GIT1: variants seen among roughly 807,000 people sequenced by gnomAD.
GIT1 encodes the protein ARF GTPase-activating protein GIT1.
GIT1 carries 14 observed loss-of-function variants against 91.7 expected under a neutral mutation model. The ratio of observed to expected loss-of-function variants is 0.15; its 90% CI spans 0.10 to 0.24. The LOEUF is 0.24. GIT1 is among the 10% of genes least tolerant of loss of function. GIT1 has a pLI of 1.00. For synonymous variants in GIT1, 414 were observed against 418.2 expected (o/e 0.99, Z 0.12); for missense variants, 717 against 1,024.9 (o/e 0.70, Z 4.10).
In GIT1 at chr17:29,581,355, G is replaced by C; in HGVS notation, c.744C>G (p.Ile248Met). ...GCACTCACCTGTCAGCCATCTGTGG[G>C]ATGATGTAATGCCCATTCTTGTGAT... The part of the protein sequence containing the change: ...KPDHKNGHYI[I>M]PQMADSLDLS... Residue 248 changes from isoleucine (I) to methionine (M), a missense_variant, in exon 7 of 20, where the codon ATC becomes ATG. Physicochemically the swap from Ile to Met is conservative, Grantham distance 10. Around this residue, in one of 3 missense-constraint regions of GIT1, gnomAD observed 271 missense variants for 451.6 expected, o/e 0.60. Coordinates refer to ENST00000225394, the MANE Select transcript of GIT1 (RefSeq NM_014030.4). The surrounding 1 kb of genome is among the most constrained non-coding windows in gnomAD (Gnocchi z 4.8). The C allele has an allele frequency of 6.2e-7, 1 of 1,612,714 alleles. No homozygotes were observed. Among genetic ancestry groups the C allele is most frequent in the South Asian group, 1.1e-5 (1 of 91,062 alleles).
At chr17:29,578,227 A>C in intron 9 of GIT1, 72 bp downstream of exon 9, 1 of 1,243,678 alleles carries the variant, frequency 8.0e-7, no homozygotes, top group East Asian at 2.3e-5. Flanking sequence ...TTCTTAGCCC[A>C]GTAAAGGACC....
chr17:29,582,079 G>C lies in GIT1; in HGVS notation c.471C>G (p.Ala157=). 1.2e-6 allele frequency: 2 copies of C among 1,607,502 alleles called. No homozygotes were observed. Among genetic ancestry groups the C allele is most frequent in the Non-Finnish European group, 1.7e-6 (2 of 1,179,770 alleles). ...TCTCTGGGTGGAAGAAGTTGGCCTG[G>C]GCACCCAGGGAGAGCAGGCGCAGAC... ...ETCLRLLSLG[A]QANFFHPEKG... Residue 157 remains alanine (A), a synonymous_variant, in exon 5 of 20, where the codon GCC becomes GCG. Transcript: ENST00000225394.
Position 29,576,059 on chromosome 17 carries a change from A to C in GIT1, c.1665+19T>G. ...TCAGAACCTACTGGCTAAGATGGAC[A>C]CGCCTTCCCCAGGCTTACCCGGTAA... On this transcript the variant is annotated intron_variant, in intron 15 of 19. Coordinates refer to ENST00000225394, the MANE Select transcript of GIT1 (RefSeq NM_014030.4). The C allele has an allele frequency of 6.2e-7, 1 of 1,612,592 alleles. No individual in the cohort carries two copies. Among genetic ancestry groups the C allele is most frequent in the East Asian group, 2.2e-5 (1 of 44,854 alleles).
At chr17:29,584,538 C>T (rs1022011411) in intron 1 of GIT1, among the ~76,000 whole-genome samples, 1 of 152,192 alleles carries the variant, frequency 6.6e-6, no homozygotes, top group Non-Finnish European at 1.5e-5. Flanking sequence ...GAGACAGCTG[C>T]ATACGACTCA....
chr17:29,582,288 T>A, intron 4 of GIT1, 144 bp from the exon 5 acceptor site: 1 of 635,936 alleles, frequency 1.6e-6, no homozygotes, highest in Non-Finnish European at 2.8e-6. Context: ...GGACAGAGGC[T>A]TCCCGCTAGG....
chr17:29,584,747 C>T (rs2033528528), intron 1 of GIT1, among the ~76,000 whole-genome samples: 1 of 152,168 alleles, frequency 6.6e-6, no homozygotes, highest in Admixed American at 6.5e-5. Context: ...GTATCCCCAT[C>T]AGGGGAGGGA....
At position 29,589,363 on chromosome 17, in the gene GIT1, G is replaced by A; in HGVS notation, c.16C>T (p.Pro6Ser). ...CAGTCCGCACACACCTCCGCTCGCG[G>A]CCCCTTTCGGGACATCCTCAGCGGC... MSRKG[P>S]RAEVCADCSA... Residue 6 changes from proline (P) to serine (S), a missense_variant, in exon 1 of 20, where the codon CCG becomes TCG. Coordinates refer to ENST00000225394, the MANE Select transcript of GIT1 (RefSeq NM_014030.4). The surrounding 1 kb of genome is among the most constrained non-coding windows in gnomAD (Gnocchi z 5.2). 1.8e-6 allele frequency: 2 copies of A among 1,086,060 alleles called. No homozygotes were observed. Among genetic ancestry groups the A allele is most frequent in the Non-Finnish European group, 1.1e-6 (1 of 883,766 alleles). The allele number at this position is 1,086,060 out of a possible 1,614,324, so 67.3% of individuals were successfully genotyped here.
At chr17:29,583,443 G>C (rs2033472266) in intron 2 of GIT1, 40 bp downstream of exon 2, 1 of 1,601,834 alleles carries the variant, frequency 6.2e-7, no homozygotes, top group African/African-American at 1.3e-5. Context: ...AGCACACTCT[G>C]CCTGAGGGGA....
In GIT1 at chr17:29,581,723, C is replaced by T; in HGVS notation, c.718+19G>A. On this transcript the variant is annotated intron_variant, in intron 6 of 19. Coordinates refer to ENST00000225394, the MANE Select transcript of GIT1 (RefSeq NM_014030.4). This position sits in a 1 kb window ranked among gnomAD's most constrained non-coding sequence, Gnocchi z 4.8. ...CAGCCAGGCCTGTCACAGCCAGGCGCCCCCCAAGCTCTGCTCACCCGGCTT... is the reference window on the plus strand; with the variant it reads ...CAGCCAGGCCTGTCACAGCCAGGCGTCCCCCAAGCTCTGCTCACCCGGCTT... The T allele has an allele frequency of 3.1e-6, 5 of 1,594,290 alleles. No homozygotes were observed. The highest frequency in any genetic ancestry group is 4.3e-6 in the Non-Finnish European group (5 of 1,168,772).
chr17:29,581,012 C>A lies in GIT1; in HGVS notation c.761+326G>T. On this transcript the variant is annotated intron_variant, in intron 7 of 19. Coordinates refer to ENST00000225394, the MANE Select transcript of GIT1 (RefSeq NM_014030.4). This position sits in a 1 kb window ranked among gnomAD's most constrained non-coding sequence, Gnocchi z 4.8. ...CAGGCTAGTCTTGAACTCCCGACCT[C>A]AGGTGATCCGCCCGCCTCGGCCTCC... 2.9e-6 allele frequency: 1 copy of A among 344,086 alleles called. No individual in the cohort carries two copies. 21.3% of individuals were successfully genotyped at this position (344,086 alleles called of 1,614,324 possible). A position where few individuals can be genotyped will look rare whatever the true frequency, so the allele number is the denominator to read the frequency against.
In GIT1 at chr17:29,589,320, C is replaced by A; in HGVS notation, c.52+7G>T. 9.6e-7 allele frequency: 1 copy of A among 1,043,758 alleles called. No individual in the cohort carries two copies. Among genetic ancestry groups the A allele is most frequent in the Non-Finnish European group, 1.2e-6 (1 of 865,436 alleles). 64.7% of individuals were successfully genotyped at this position (1,043,758 alleles called of 1,614,324 possible). On this transcript the variant is annotated splice_region_variant and intron_variant, in intron 1 of 19. Coordinates refer to ENST00000225394, the MANE Select transcript of GIT1 (RefSeq NM_014030.4). The surrounding 1 kb of genome is among the most constrained non-coding windows in gnomAD (Gnocchi z 5.2). ...TGCGGTCCCGCCCCCGGCCCCGCCG[C>A]GCTTACCCGGGGCGCTGCAGTCCGC... is the stretch of plus-strand genomic sequence containing the variant.
rs965208560 is a variant in GIT1 at position 29,581,126 on chromosome 17, G to A, written c.761+212C>T. Reference sequence around the variant, plus strand: ...AGCCCTCCATGTACTTGACAGTCACGGGGCTCAGGCTATGCGGGCCACATA... The same window carrying A: ...AGCCCTCCATGTACTTGACAGTCACAGGGCTCAGGCTATGCGGGCCACATA... On this transcript the variant is annotated intron_variant, in intron 7 of 19. Transcript: ENST00000225394. The surrounding 1 kb of genome is among the most constrained non-coding windows in gnomAD (Gnocchi z 4.8). 6.1e-5 allele frequency: 36 copies of A among 590,786 alleles called. No individual in the cohort carries two copies. Among genetic ancestry groups the A allele is most frequent in the Middle Eastern group, 4.5e-4 (1 of 2,246 alleles). 36.6% of individuals were successfully genotyped at this position (590,786 alleles called of 1,614,324 possible). A position where few individuals can be genotyped will look rare whatever the true frequency, so the allele number is the denominator to read the frequency against.
In GIT1 at chr17:29,575,367, C is replaced by G; in HGVS notation, c.1930G>C (p.Asp644His). 2 of 1,613,686 alleles carry G rather than the reference C, an allele frequency of 1.2e-6. No individual in the cohort carries two copies. The highest frequency in any genetic ancestry group is 1.7e-6 in the Non-Finnish European group (2 of 1,179,822). The change falls in exon 18 of 20, where the codon GAT becomes CAT. Residue 644 changes from aspartate to histidine, a missense_variant. Coordinates refer to ENST00000225394, the MANE Select transcript of GIT1 (RefSeq NM_014030.4). The surrounding 1 kb of genome is among the most constrained non-coding windows in gnomAD (Gnocchi z 5.5). ...DLDPGLPSTE[D>H]VILKTEQVTK... ...ACCTGCTCTGTCTTCAAGATGACATCCTCTGTGCTGGGAAGCCCAGGATCT... is the reference window on the plus strand; with the variant it reads ...ACCTGCTCTGTCTTCAAGATGACATGCTCTGTGCTGGGAAGCCCAGGATCT...
At position 29,574,707 on chromosome 17, in the gene GIT1, G is replaced by A. The variant is rs2033122506; in HGVS notation, c.2281C>T (p.Gln761Ter). ...LVTITTREKK[Q>*] is the part of the protein sequence containing the mutation. ...TGAGGGTGTGGGGAGAGAGGTCACT[G>A]CTTCTTCTCTCGGGTGGTGATGGTG... is the stretch of plus-strand genomic sequence containing the variant. Residue 761 changes from glutamine to a stop codon, truncating the protein, a stop_gained, in exon 20 of 20, where the codon CAG becomes TAG. Transcript: ENST00000225394. LOFTEE classifies it high-confidence loss of function. The A allele has an allele frequency of 6.2e-7, 1 of 1,611,802 alleles. No homozygotes were observed. Among genetic ancestry groups the A allele is most frequent in the South Asian group, 1.1e-5 (1 of 91,006 alleles).
In GIT1 at chr17:29,582,619, G is replaced by C; in HGVS notation, c.405+79C>G. ...CCTTTGGGGCCCAGGGCTCAGTGGG[G>C]ACAAAGGAGAGGCCTTCAGAGAGTC... On this transcript the variant is annotated intron_variant, in intron 4 of 19. Transcript: ENST00000225394. The C allele has an allele frequency of 4.0e-6, 4 of 991,680 alleles. No individual in the cohort carries two copies. In the South Asian group the frequency reaches 5.4e-5, roughly 13 times the overall value. 61.4% of individuals were successfully genotyped at this position (991,680 alleles called of 1,614,324 possible).
Position 29,575,703 on chromosome 17 carries a change from T to A in GIT1, c.1753A>T (p.Ser585Cys). The A allele has an allele frequency of 1.9e-6, 3 of 1,612,370 alleles. No homozygotes were observed. Among genetic ancestry groups the A allele is most frequent in the Non-Finnish European group, 2.5e-6 (3 of 1,179,926 alleles). Residue 585 changes from serine (S) to cysteine (C), a missense_variant and splice_region_variant, in exon 17 of 20, where the codon AGC (serine) becomes TGC (cysteine). This residue lies in a region of GIT1 where 312 missense variants were observed against 349.5 expected (regional missense o/e 0.89). Transcript: ENST00000225394. The surrounding 1 kb of genome is among the most constrained non-coding windows in gnomAD (Gnocchi z 5.5). ...CCACTGCCGTGGCGGGAAAGCTTGC[T>A]CTGGAGGGCGGAGGGAAGGGGCTGT... is the stretch of plus-strand genomic sequence containing the variant. ...SCSQEGSRHT[S>C]KLSRHGSGAD...
rs947475027 is a variant in GIT1, at chr17:29,589,195, G to A, written c.52+132C>T. 24 of 248,104 alleles carry A rather than the reference G, an allele frequency of 9.7e-5. No individual in the cohort carries two copies. The highest frequency in any genetic ancestry group is 5.5e-4 in the African/African-American group (24 of 43,288). 15.4% of individuals were successfully genotyped at this position (248,104 alleles called of 1,614,324 possible). ...GCAGCTCCGCAGTGGCCGAGGCGGG[G>A]GCCCAGCCTGGAGGCCGCAGCCCCC... On this transcript the variant is annotated intron_variant, in intron 1 of 19. Transcript: ENST00000225394. This position sits in a 1 kb window ranked among gnomAD's most constrained non-coding sequence, Gnocchi z 5.2.
rs761627670 is a variant in GIT1, at chr17:29,578,288, C to G, written c.883+11G>C. 6.2e-6 allele frequency: 10 copies of G among 1,610,516 alleles called. No homozygotes were observed. In the South Asian group the frequency reaches 9.9e-5, roughly 16 times the overall value. On this transcript the variant is annotated intron_variant, in intron 9 of 19. Coordinates refer to ENST00000225394, the MANE Select transcript of GIT1 (RefSeq NM_014030.4). ...GTCCTCCACGCCAGACACTCCTGCT[C>G]CCTGACTCACCTGCATCATTTTCTC... is the stretch of plus-strand genomic sequence containing the variant.
Position 29,585,222 on chromosome 17 carries a change from C to T in GIT1, c.53-1606G>A, listed in dbSNP as rs143343205. 9.0e-4 allele frequency among the ~76,000 whole-genome samples: 137 copies of T among 152,226 alleles called. 1 individual carries two copies. The highest frequency in any genetic ancestry group is 3.2e-3 in the African/African-American group (132 of 41,542). On this transcript the variant is annotated intron_variant, in intron 1 of 19. Transcript: ENST00000225394. ...AGGCACCCCAGGTGTGGAGACCTCC[C>T]TCTCCCCACTCCAAACACCACTGGG...
Sources: allele counts gnomAD v4.1 joint callset (sites outside exome capture counted in the v4.1 genomes callset), GRCh38; gene constraint gnomAD v4.1.1; regional missense constraint gnomAD v4.1.1; non-coding constraint Gnocchi (gnomAD v3.1); transcripts MANE v1.5; gene names NCBI Gene and HGNC (gene_info 2026-07-23, HGNC 2026-07-21).